Variants in COQ8B observed in about 807,000 individuals in gnomAD.
COQ8B encodes the protein coenzyme Q8B, also known as atypical kinase COQ8B, mitochondrial.
COQ8B carries 44 observed loss-of-function variants against 62.0 expected under a neutral mutation model. The ratio of observed to expected loss-of-function variants is 0.71; its 90% CI spans 0.56 to 0.91. The LOEUF (loss-of-function observed/expected upper bound fraction) is 0.91. COQ8B is among the 40% of genes least tolerant of loss of function. The pLI is 0.00. For missense variants in COQ8B, 649 were observed against 731.6 expected (o/e 0.89, Z 1.30); for synonymous variants, 252 against 289.9 (o/e 0.87, Z 1.33).
At chr19:40,712,070 T>C (rs1009800334) in intron 4 of COQ8B, among the ~76,000 whole-genome samples, 2 of 151,956 alleles carry the variant, frequency 1.3e-5, no homozygotes, top group Non-Finnish European at 2.9e-5. Context: ...CTGCCCAGGC[T>C]GGAGTGCAAT....
Position 40,705,333 on chromosome 19 carries a change from C to A in COQ8B, c.482G>T (p.Ser161Ile). The A allele has an allele frequency of 6.3e-7, 1 of 1,592,430 alleles. No homozygotes were observed. Among genetic ancestry groups the A allele is most frequent in the South Asian group, 1.1e-5 (1 of 89,630 alleles). ...CGAGGGTCATGCTGTACCCTGGATG[C>A]TGAGCATCTGGCCAACCTTGAGGGC... ...GAALKVGQML[S>I]IQDNSFISPQ... The change falls in exon 6 of 15, where the codon AGC (serine) becomes ATC (isoleucine). Residue 161 changes from serine to isoleucine, a missense_variant. Coordinates refer to ENST00000324464, the MANE Select transcript of COQ8B (RefSeq NM_024876.4).
In COQ8B at chr19:40,715,581, C is replaced by A. The variant is rs78004077; in HGVS notation, c.-3-946G>T. The A allele has an allele frequency of 0.012, 11,866 of 985,494 alleles. 829 individuals carry two copies. The African/African-American group carries it at 0.16, about 14-fold the overall frequency. 61.0% of individuals were successfully genotyped at this position (985,494 alleles called of 1,614,324 possible). A position where few individuals can be genotyped will look rare whatever the true frequency, so the allele number is the denominator to read the frequency against. On this transcript the variant is annotated intron_variant, in intron 1 of 14. Transcript: ENST00000324464. ...ACCTCCTTCCTTGTGCATATAAATC[C>A]CTTGCCTTGCTTGCCAACTGTTTCC...
intron 5 of COQ8B, among the ~76,000 whole-genome samples, chr19:40,706,901 A>T (rs1009145885): frequency 1.3e-5 from 2 of 152,220 alleles, no homozygotes; most frequent in African/African-American, 2.4e-5. Flanking sequence ...TAAGTTATAT[A>T]ATTCAATGAT....
At chr19:40,695,051 C>T (rs1209815637) in intron 13 of COQ8B, among the ~76,000 whole-genome samples, 1 of 152,216 alleles carries the variant, frequency 6.6e-6, no homozygotes, top group African/African-American at 2.4e-5. Flanking sequence ...GGCAGGAGGG[C>T]TCATGCCTGT....
intron 4 of COQ8B, among the ~76,000 whole-genome samples, chr19:40,711,895 C>T (rs958780659): frequency 6.6e-6 from 1 of 152,096 alleles, no homozygotes; most frequent in African/African-American, 2.4e-5. Context: ...AGTAATTTGC[C>T]CAGAGTCACG....
Position 40,705,311 on chromosome 19 carries a change from G to A in COQ8B, c.490+14C>T, listed in dbSNP as rs770870600. On this transcript the variant is annotated intron_variant, in intron 6 of 14. Transcript: ENST00000324464. ...AGGGAGGTCAGGGGTCAGGAGTCGA[G>A]GGTCATGCTGTACCCTGGATGCTGA... is the stretch of plus-strand genomic sequence containing the variant. The A allele has an allele frequency of 2.5e-6, 4 of 1,586,688 alleles. No homozygotes were observed. The highest frequency in any genetic ancestry group is 2.6e-6 in the Non-Finnish European group (3 of 1,161,462).
rs888528933 is a variant in COQ8B, at chr19:40,692,003, T to G, written c.*32A>C. On this transcript the variant is annotated 3_prime_UTR_variant, in exon 15 of 15. Transcript: ENST00000324464. Reference sequence around the variant, plus strand: ...AGAGGCACTACAGCAGGGTACGGCCTGCTCTGGGGACTGAATCCCCCATGG... The same window carrying G: ...AGAGGCACTACAGCAGGGTACGGCCGGCTCTGGGGACTGAATCCCCCATGG... 3.2e-6 allele frequency: 5 copies of G among 1,553,108 alleles called. No homozygotes were observed. In the African/African-American group the frequency reaches 6.8e-5, roughly 21 times the overall value.
At chr19:40,714,955 T>G in intron 1 of COQ8B, 2 of 1,088,108 alleles carry the variant, frequency 1.8e-6, no homozygotes, top group Non-Finnish European at 1.1e-6. Context: ...ATGCACCGCC[T>G]TCCCCTCTGT....
At chr19:40,694,377 C>T (rs925758156) in intron 13 of COQ8B, among the ~76,000 whole-genome samples, 6 of 152,240 alleles carry the variant, frequency 3.9e-5, no homozygotes, top group Non-Finnish European at 7.3e-5. Flanking sequence ...CTGCTCAAAT[C>T]TTTTCCACGG....
At chr19:40,705,708 A>G (rs2056307431) in intron 5 of COQ8B, among the ~76,000 whole-genome samples, 1 of 152,208 alleles carries the variant, frequency 6.6e-6, no homozygotes, top group Non-Finnish European at 1.5e-5. Context: ...CTGGGAGGTC[A>G]ATGCAGGAGG....
chr19:40,715,645 C>T (rs1177867544), intron 1 of COQ8B: 12 of 980,108 alleles, frequency 1.2e-5, no homozygotes, highest in Non-Finnish European at 1.3e-5. Context: ...ATACCCTCCC[C>T]CCCACTTGCA....
chr19:40,700,636 A>C (rs2082054081), intron 10 of COQ8B, 185 bp from the exon 11 acceptor site: 2 of 700,704 alleles, frequency 2.9e-6, no homozygotes, highest in Non-Finnish European at 4.6e-6. Flanking sequence ...GAGATTTAAC[A>C]AGTATCTCCA....
intron 13 of COQ8B, among the ~76,000 whole-genome samples, chr19:40,693,823 G>C (rs1159639357): frequency 6.6e-6 from 1 of 152,170 alleles, no homozygotes; most frequent in Non-Finnish European, 1.5e-5. Flanking sequence ...TGGGCACGGG[G>C]GTCCCTATTT....
rs112896502 is a variant in COQ8B at position 40,692,361 on chromosome 19, C to T, written c.1309G>A (p.Ala437Thr). 59 of 1,613,164 alleles carry T rather than the reference C, an allele frequency of 3.7e-5. No individual in the cohort carries two copies. The highest frequency in any genetic ancestry group is 1.7e-4 in the Middle Eastern group (1 of 6,056). The change falls in exon 15 of 15, where the codon GCC (alanine) becomes ACC (threonine). Residue 437 changes from alanine to threonine, a missense_variant. Physicochemically the swap from Ala to Thr is moderately conservative, Grantham distance 58. Coordinates refer to ENST00000324464, the MANE Select transcript of COQ8B (RefSeq NM_024876.4). The part of the protein sequence containing the change: ...TGFETKAFSD[A>T]HVEAVMILGE... ...AGGATCATCACTGCCTCCACGTGGG[C>T]GTCGGAGAATGCCTGGGAGTGGGGG...
At position 40,692,036 on chromosome 19, in the gene COQ8B, C is replaced by A; in HGVS notation, c.1634G>T (p.Ter545LeuextTer61). 1 of 1,597,612 alleles carries A rather than the reference C, an allele frequency of 6.3e-7. No individual in the cohort carries two copies. The highest frequency in any genetic ancestry group is 1.1e-5 in the South Asian group (1 of 88,460). ...GGACTGAATCCCCCATGGAGGCTGT[C>A]ATGAGGGATCCACCCAGGAGTCCCC... Reference protein sequence around the residue: ...TKGDSWVDPS* With the variant: ...TKGDSWVDPSL The change falls in exon 15 of 15, where the codon TGA becomes TTA. Residue 545 changes from the stop codon to leucine, a stop_lost. Transcript: ENST00000324464.
At position 40,714,142 on chromosome 19, in the gene COQ8B, T is replaced by C. The variant is rs1212396933; in HGVS notation, c.223-9A>G. 7 of 1,613,694 alleles carry C rather than the reference T, an allele frequency of 4.3e-6. No individual in the cohort carries two copies. The African/African-American group carries it at 5.3e-5, about 12-fold the overall frequency. Reference sequence around the variant, plus strand: ...CGAGAGCGGTCACTCAGCTGGGAAATGGGGACAAGGTCTGAGGGTGGGAAA... The same window carrying C: ...CGAGAGCGGTCACTCAGCTGGGAAACGGGGACAAGGTCTGAGGGTGGGAAA... On this transcript the variant is annotated splice_polypyrimidine_tract_variant and intron_variant, in intron 3 of 14. Transcript: ENST00000324464.
chr19:40,702,638 A>C lies in COQ8B; in HGVS notation c.855T>G (p.Cys285Trp), dbSNP rs1476259097. The change falls in exon 10 of 15, where the codon TGT becomes TGG. Residue 285 changes from cysteine to tryptophan, a missense_variant. Transcript: ENST00000324464. ...CACAAGCCGCCTCACGACGGTAGTC[A>C]CACTCCCAAGCCAGCTCCTGCTGCA... ...QALQQELAWE[C>W]DYRREAACAQ... is the part of the protein sequence containing the mutation. 1 of 1,612,326 alleles carries C rather than the reference A, an allele frequency of 6.2e-7. No individual in the cohort carries two copies. The highest frequency in any genetic ancestry group is 1.3e-5 in the African/African-American group (1 of 74,916).
intron 14 of COQ8B, 89 bp from the exon 15 acceptor site, chr19:40,692,462 C>T (rs1275087157): frequency 6.1e-6 from 7 of 1,144,248 alleles, no homozygotes; most frequent in Non-Finnish European, 8.7e-6. Flanking sequence ...AGCCTCCACT[C>T]CCTCCAGTCT....
Position 40,710,143 on chromosome 19 carries a change from T to C in COQ8B, c.290-7A>G. 2 of 1,613,872 alleles carry C rather than the reference T, an allele frequency of 1.2e-6. No individual in the cohort carries two copies. The highest frequency in any genetic ancestry group is 1.7e-6 in the Non-Finnish European group (2 of 1,179,836). ...CCCAAGCCCACAGCCAGTCCTGGAG[T>C]GCAAGAGAAGAACATGAGTGCCCGT... On this transcript the variant is annotated splice_polypyrimidine_tract_variant and splice_region_variant and intron_variant, in intron 4 of 14. Coordinates refer to ENST00000324464, the MANE Select transcript of COQ8B (RefSeq NM_024876.4).
Sources: gnomAD v4.1 joint callset for allele counts (sites outside exome capture counted in the v4.1 genomes callset) on GRCh38, gnomAD v4.1.1 for gene constraint, MANE v1.5 for transcripts, NCBI Gene and HGNC (gene_info 2026-07-23, HGNC 2026-07-21) for gene names.